The following PTCHD1 variants were observed in gnomAD, a reference collection of about 807,000 sequenced individuals.
PTCHD1 encodes the protein patched domain-containing protein 1.
Under a neutral mutation model 34.6 loss-of-function variants are expected in PTCHD1, and 3 were observed. That is an observed-to-expected ratio of 0.09 (90% confidence interval 0.04 to 0.22). The LOEUF (loss-of-function observed/expected upper bound fraction) is 0.22. Among genes scored for constraint, PTCHD1 ranks in the 10% least tolerant of loss-of-function variants. PTCHD1 has a pLI of 1.00. For missense variants in PTCHD1, 504 were observed against 685.5 expected (o/e 0.74, Z 2.96); for synonymous variants, 305 against 283.1 (o/e 1.08, Z -0.77).
intron 2 of PTCHD1, among the ~76,000 whole-genome samples, chrX:23,381,625 C>T (rs904164626): frequency 2.7e-5 from 3 of 111,806 alleles, no homozygotes; most frequent in Non-Finnish European, 5.6e-5. Context: ...ATTCTGCCCT[C>T]GATTCTCTGT....
chrX:23,379,730 G>A lies in PTCHD1; in HGVS notation c.491G>A (p.Arg164Gln), dbSNP rs908889815. Residue 164 changes from arginine (R) to glutamine (Q), a missense_variant, in exon 2 of 3, where the codon CGG (arginine) becomes CAG (glutamine). By Grantham distance (43) the Arg-to-Gln change is conservative. Transcript: ENST00000379361. ...GTCCTGGAAGAGCTAAAGAATGCTC[G>A]GGCCACCAATCGGACCAATTTTGCT... is the stretch of plus-strand genomic sequence containing the variant. ...VHVLEELKNA[R>Q]ATNRTNFAIT... The A allele has an allele frequency of 8.3e-6, 10 of 1,208,788 alleles. No individual in the cohort carries two copies. The highest frequency in any genetic ancestry group is 5.3e-5 in the South Asian group (3 of 56,724).
rs763750752 is a variant in PTCHD1, at chrX:23,394,211, C to T, written c.*26C>T. The T allele has an allele frequency of 2.9e-6, 3 of 1,043,626 alleles. No individual in the cohort carries two copies. Among genetic ancestry groups the T allele is most frequent in the African/African-American group, 1.9e-5 (1 of 52,177 alleles). The allele number at this position is 1,043,626 out of a possible 1,213,427, so 86.0% of individuals were successfully genotyped here. On this transcript the variant is annotated 3_prime_UTR_variant, in exon 3 of 3. Transcript: ENST00000379361. ...TAATGTCTGCTTGGCATATTTTCAC[C>T]TTAGGTCTTATCAAGACCAAAGAGA...
intron 2 of PTCHD1, among the ~76,000 whole-genome samples, chrX:23,381,845 T>C (rs181799951): frequency 2.7e-5 from 3 of 111,474 alleles, no homozygotes; most frequent in Admixed American, 1.9e-4. Flanking sequence ...CCCAAGACCG[T>C]GTGGGTTGAC....
At chrX:23,387,696 C>T (rs1007320996) in intron 2 of PTCHD1, among the ~76,000 whole-genome samples, 4 of 111,732 alleles carry the variant, frequency 3.6e-5, no homozygotes, top group Non-Finnish European at 5.6e-5. Context: ...TATTCACTCA[C>T]GAATAATTAG....
chrX:23,361,951 C>A (rs746937572), intron 1 of PTCHD1, among the ~76,000 whole-genome samples: 1 of 112,227 alleles, frequency 8.9e-6, no homozygotes, highest in South Asian at 3.7e-4. Context: ...TGGAAATTCT[C>A]TTGTTTCAGA....
chrX:23,380,590 G>A (rs933245831), intron 2 of PTCHD1, among the ~76,000 whole-genome samples: 26 of 111,631 alleles, frequency 2.3e-4, no homozygotes, highest in Non-Finnish European at 3.8e-4. Flanking sequence ...TACAAGTAGT[G>A]TATTTGGGAG....
intron 2 of PTCHD1, among the ~76,000 whole-genome samples, chrX:23,385,289 G>T (rs1922658919): frequency 9.0e-6 from 1 of 111,413 alleles, no homozygotes; most frequent in African/African-American, 3.3e-5. Context: ...TTAGGGGAAT[G>T]GAACAAAACA....
intron 1 of PTCHD1, among the ~76,000 whole-genome samples, chrX:23,337,368 G>A (rs572355698): frequency 2.5e-4 from 28 of 111,510 alleles, no homozygotes; most frequent in Admixed American, 2.5e-3. Flanking sequence ...CCAGACTTAC[G>A]GAACCAAGGA....
chrX:23,349,223 A>T (rs1004690828), intron 1 of PTCHD1, among the ~76,000 whole-genome samples: 1 of 111,904 alleles, frequency 8.9e-6, no homozygotes, highest in African/African-American at 3.2e-5. Flanking sequence ...GAGGTAAAAA[A>T]AACAGGAACA....
At position 23,395,405 on chromosome X, in the gene PTCHD1, G is replaced by T. The variant is rs1301858030; in HGVS notation, c.*1220G>T. The T allele has an allele frequency of 8.9e-6, 1 of 111,786 alleles. No homozygotes were observed. Among genetic ancestry groups the T allele is most frequent in the African/African-American group, 3.3e-5 (1 of 30,729 alleles). The allele number at this position is 111,786 out of a possible 1,213,427, so 9.2% of individuals were successfully genotyped here. A position where few individuals can be genotyped will look rare whatever the true frequency, so the allele number is the denominator to read the frequency against. ...AGTGCAGGGAGATAAAGGGCCAAAAGGGAGATAGATGGAAAACACTGGAAA... is the reference window on the plus strand; with the variant it reads ...AGTGCAGGGAGATAAAGGGCCAAAATGGAGATAGATGGAAAACACTGGAAA... On this transcript the variant is annotated 3_prime_UTR_variant, in exon 3 of 3. Transcript: ENST00000379361.
In PTCHD1 at chrX:23,393,664, T is replaced by C; in HGVS notation, c.2146T>C (p.Phe716Leu). Reference protein sequence around the residue: ...SALFLLFFSAFLVADSLINVW... With the variant: ...SALFLLFFSALLVADSLINVW... ...TTTGTTCCTGCTCTTCTTCTCGGCA[T>C]TCCTGGTGGCAGATTCACTGATTAA... The change falls in exon 3 of 3, where the codon TTC (phenylalanine) becomes CTC (leucine). Residue 716 changes from phenylalanine to leucine, a missense_variant. By Grantham distance (22) the Phe-to-Leu change is conservative. Transcript: ENST00000379361. 1 of 1,212,129 alleles carries C rather than the reference T, an allele frequency of 8.2e-7. No individual in the cohort carries two copies. Among genetic ancestry groups the C allele is most frequent in the East Asian group, 3.0e-5 (1 of 33,863 alleles).
chrX:23,343,112 C>A (rs1253493720), intron 1 of PTCHD1, among the ~76,000 whole-genome samples: 1 of 112,153 alleles, frequency 8.9e-6, no homozygotes, highest in Non-Finnish European at 1.9e-5. Flanking sequence ...TGCTCTGCCT[C>A]CCTATTGATT....
intron 1 of PTCHD1, 70 bp downstream of exon 1, chrX:23,335,296 G>A (rs1177445687): frequency 3.3e-6 from 3 of 904,286 alleles, no homozygotes; most frequent in Non-Finnish European, 4.8e-6. Context: ...CTGCGCTGGG[G>A]TCCCGGCTGA....
rs1922533147 is a variant in PTCHD1 at position 23,380,472 on chromosome X, C to G, written c.1012+221C>G. The G allele has an allele frequency of 8.5e-6, 4 of 471,200 alleles. No homozygotes were observed. The South Asian group carries it at 1.2e-4, about 14-fold the overall frequency. 38.8% of individuals were successfully genotyped at this position (471,200 alleles called of 1,213,427 possible). A position where few individuals can be genotyped will look rare whatever the true frequency, so the allele number is the denominator to read the frequency against. On this transcript the variant is annotated intron_variant, in intron 2 of 2. Coordinates refer to ENST00000379361, the MANE Select transcript of PTCHD1 (RefSeq NM_173495.3). Reference sequence around the variant, plus strand: ...TCAAAGTCCTGGGTTCTAGCGCTGACTCTCCATTGAGCAGCCATGTGGTGT... The same window carrying G: ...TCAAAGTCCTGGGTTCTAGCGCTGAGTCTCCATTGAGCAGCCATGTGGTGT...
At chrX:23,353,609 C>A (rs72620440) in intron 1 of PTCHD1, among the ~76,000 whole-genome samples, 2,707 of 96,075 alleles carry the variant, frequency 0.028, 98 homozygotes, top group South Asian at 0.098. Context: ...CAAAACAAAA[C>A]AAAAAAAAAA....
intron 1 of PTCHD1, among the ~76,000 whole-genome samples, chrX:23,368,671 C>G (rs1447480973): frequency 3.6e-5 from 4 of 112,099 alleles, no homozygotes; most frequent in Non-Finnish European, 7.5e-5. Flanking sequence ...TTCAGTAAAT[C>G]CACACACCGC....
At chrX:23,358,155 A>G (rs1026548273) in intron 1 of PTCHD1, among the ~76,000 whole-genome samples, 3 of 111,681 alleles carry the variant, frequency 2.7e-5, no homozygotes, top group African/African-American at 9.8e-5. Context: ...ATGATTTATA[A>G]TCCTTTGGGT....
intron 1 of PTCHD1, among the ~76,000 whole-genome samples, chrX:23,355,813 T>A (rs1921787564): frequency 8.9e-6 from 1 of 112,393 alleles, no homozygotes; most frequent in Non-Finnish European, 1.9e-5. Flanking sequence ...ATTTAAATAT[T>A]CTCATTCCAA....
intron 1 of PTCHD1, among the ~76,000 whole-genome samples, chrX:23,362,107 A>T (rs769371769): frequency 4.5e-5 from 5 of 111,406 alleles, no homozygotes; most frequent in East Asian, 2.8e-4. Context: ...TCAACCTTGG[A>T]GAATCTGACA....
Sources: allele counts gnomAD v4.1 joint callset (sites outside exome capture counted in the v4.1 genomes callset), GRCh38; gene constraint gnomAD v4.1.1; transcripts MANE v1.5; gene names NCBI Gene and HGNC (gene_info 2026-07-23, HGNC 2026-07-21).